Variants in LRMDA observed in about 807,000 individuals in gnomAD.
LRMDA encodes leucine-rich melanocyte differentiation-associated protein.
A neutral mutation model predicts 29.8 loss-of-function variants in LRMDA; 18 were observed. The observed-to-expected ratio is 0.60, with a 90% CI of 0.42 to 0.90. LRMDA has a LOEUF of 0.90. LRMDA is among the 40% of genes least tolerant of loss of function. LRMDA has a pLI of 0.00. For synonymous variants in LRMDA, 125 were observed against 109.4 expected, an observed-to-expected ratio of 1.14 and a Z score of -0.89; for missense variants, 273 against 273.9, an observed-to-expected ratio of 1.00 and a Z score of 0.02.
intron 2 of LRMDA, among the ~76,000 whole-genome samples, chr10:75,884,992 G>A (rs374024330): frequency 6.6e-6 from 1 of 151,782 alleles, no homozygotes; most frequent in African/African-American, 2.4e-5. Context: ...GGCCCAGGGA[G>A]CACTGCAGTT....
At chr10:76,153,180 G>A (rs1850477952) in intron 5 of LRMDA, among the ~76,000 whole-genome samples, 1 of 152,018 alleles carries the variant, frequency 6.6e-6, no homozygotes, top group South Asian at 2.1e-4. Flanking sequence ...TCTTTATATT[G>A]TTGAGTTACA....
At chr10:75,441,949 G>A (rs1481511811) in intron 2 of LRMDA, among the ~76,000 whole-genome samples, 1 of 152,112 alleles carries the variant, frequency 6.6e-6, no homozygotes, top group Non-Finnish European at 1.5e-5. Context: ...GCTAATACAG[G>A]CACATGGCAC....
chr10:76,019,818 C>T (rs1847939901), intron 2 of LRMDA, among the ~76,000 whole-genome samples: 1 of 152,140 alleles, frequency 6.6e-6, no homozygotes, highest in Non-Finnish European at 1.5e-5. Context: ...GGTTCTTTTA[C>T]TGCAGTAGAT....
intron 2 of LRMDA, among the ~76,000 whole-genome samples, chr10:75,737,089 G>GCA (rs954674410): frequency 4.6e-5 from 7 of 151,026 alleles, no homozygotes; most frequent in East Asian, 1.9e-4. Context: ...GCACATGCAT[G>GCA]CACACACACA....
intron 3 of LRMDA, 61 bp downstream of exon 3, chr10:76,036,195 C>T (rs1381218707): frequency 6.7e-7 from 1 of 1,494,632 alleles, no homozygotes; most frequent in African/African-American, 1.4e-5. Flanking sequence ...GTCCCCCAAC[C>T]CCACCCTGCA....
chr10:76,242,053 G>C (rs1050738492), intron 5 of LRMDA: 1 of 152,162 alleles, frequency 6.6e-6, no homozygotes, highest in Non-Finnish European at 1.5e-5. Flanking sequence ...TGCCCAGGCT[G>C]TAGTGCAGTG....
At chr10:75,920,021 A>T (rs1344875657) in intron 2 of LRMDA, among the ~76,000 whole-genome samples, 5 of 152,026 alleles carry the variant, frequency 3.3e-5, no homozygotes, top group Non-Finnish European at 5.9e-5. Flanking sequence ...AAATCCCTTG[A>T]GTTGAGCTTA....
chr10:75,525,592 C>CTTTTTTTTTTTTTTTTTT (rs11415547), intron 2 of LRMDA, among the ~76,000 whole-genome samples: 6 of 129,714 alleles, frequency 4.6e-5, no homozygotes, highest in Non-Finnish European at 6.4e-5. Context: ...TTCTTTCTTT[C>CTTTTTTTTTTTTTTTTTT]TTTTTTTTTT....
intron 2 of LRMDA, among the ~76,000 whole-genome samples, chr10:75,728,413 T>G (rs1842655102): frequency 1.3e-5 from 2 of 150,116 alleles, no homozygotes; most frequent in South Asian, 4.2e-4. Context: ...AGTTCTGTGC[T>G]TGATACGTGG....
At chr10:76,233,877 C>T (rs1852103142) in intron 5 of LRMDA, among the ~76,000 whole-genome samples, 1 of 152,204 alleles carries the variant, frequency 6.6e-6, no homozygotes, top group South Asian at 2.1e-4. Flanking sequence ...ATTTCCTCTA[C>T]TGAAGTCTTG....
intron 6 of LRMDA, among the ~76,000 whole-genome samples, chr10:76,462,116 C>A (rs543704366): frequency 6.3e-5 from 9 of 143,638 alleles, no homozygotes; most frequent in Admixed American, 4.1e-4. Context: ...ACCAAAAAAA[C>A]CAGAATGTGA....
At chr10:75,946,591 A>G (rs1256219335) in intron 2 of LRMDA, among the ~76,000 whole-genome samples, 1 of 152,160 alleles carries the variant, frequency 6.6e-6, no homozygotes, top group Non-Finnish European at 1.5e-5. Context: ...TGGGGAAAAT[A>G]TGGTTCGGAT....
intron 2 of LRMDA, among the ~76,000 whole-genome samples, chr10:75,938,945 G>A (rs746700615): frequency 1.3e-5 from 2 of 152,310 alleles, no homozygotes; most frequent in East Asian, 1.9e-4. Flanking sequence ...GCCCAGAGGC[G>A]AGGAGGGAAG....
At chr10:75,938,622 A>G (rs1846336360) in intron 2 of LRMDA, among the ~76,000 whole-genome samples, 1 of 152,164 alleles carries the variant, frequency 6.6e-6, no homozygotes, top group Non-Finnish European at 1.5e-5. Flanking sequence ...ACAGTGTGTT[A>G]TCTTTGTCTA....
chr10:76,300,507 C>A (rs1840467289), intron 5 of LRMDA, among the ~76,000 whole-genome samples: 1 of 152,170 alleles, frequency 6.6e-6, no homozygotes, highest in Non-Finnish European at 1.5e-5. Context: ...TCTCATCTGT[C>A]TAATAGAGAA....
chr10:76,424,109 A>G (rs976878075), intron 6 of LRMDA, among the ~76,000 whole-genome samples: 1 of 152,210 alleles, frequency 6.6e-6, no homozygotes, highest in African/African-American at 2.4e-5. Context: ...TTCTAAGACA[A>G]TATCAATGGC....
At chr10:76,108,822 C>A (rs188868820) in intron 5 of LRMDA, among the ~76,000 whole-genome samples, 46 of 152,258 alleles carry the variant, frequency 3.0e-4, no homozygotes, top group Non-Finnish European at 6.0e-4. Context: ...TTTGGAAATA[C>A]TTTTGCTGAG....
intron 5 of LRMDA, among the ~76,000 whole-genome samples, chr10:76,185,721 T>C (rs16914907): frequency 0.02 from 3,022 of 152,310 alleles, 102 homozygotes; most frequent in African/African-American, 0.069. Context: ...CGTTGAGATG[T>C]TTTGAAATCG....
rs143325187 is a variant in LRMDA, at chr10:75,858,152, C to T, written c.132-177856C>T. ...TGGGGCACAGATTCTGAGGCCCCCC[C>T]GTACCAGCCCACCAGCAGTGCCCTG... On this transcript the variant is annotated intron_variant, in intron 2 of 6. Transcript: ENST00000611255. 1.8e-3 allele frequency among the ~76,000 whole-genome samples: 272 copies of T among 152,252 alleles called. 3 individuals are homozygous for T. The highest frequency in any genetic ancestry group is 5.7e-3 in the African/African-American group (235 of 41,544).
Sources: allele counts gnomAD v4.1 joint callset (sites outside exome capture counted in the v4.1 genomes callset), GRCh38; gene constraint gnomAD v4.1.1; transcripts MANE v1.5; gene names NCBI Gene and HGNC (gene_info 2026-07-23, HGNC 2026-07-21).